The following ZBTB11 variants were observed in gnomAD, a reference collection of about 807,000 sequenced individuals.
ZBTB11 encodes zinc finger and BTB domain containing 11, also known as zinc finger and BTB domain-containing protein 11.
In ZBTB11, 68 loss-of-function variants were observed where a neutral mutation model predicts 113.1. The ratio of observed to expected loss-of-function variants is 0.60; its 90% confidence interval spans 0.49 to 0.74. The LOEUF is 0.74. Ranked by LOEUF, ZBTB11 falls within the 30% of genes least tolerant of loss-of-function variation. The probability of loss-of-function intolerance (pLI) is 0.00; values close to 1 mark genes in which losing one functional copy is unlikely to be tolerated. For synonymous variants in ZBTB11, 518 were observed against 452.6 expected (o/e 1.14, Z -1.83); for missense variants, 1,104 against 1,279.4 (o/e 0.86, Z 2.09).
intron 5 of ZBTB11, 62 bp downstream of exon 5, chr3:101,664,476 G>T (rs1388777531): frequency 1.0e-5 from 15 of 1,462,976 alleles, no homozygotes; most frequent in Non-Finnish European, 1.4e-5. Context: ...TAACCATGCA[G>T]TAAGTTGGAT....
chr3:101,653,247 G>A (rs527961501), intron 8 of ZBTB11, among the ~76,000 whole-genome samples: 9 of 152,290 alleles, frequency 5.9e-5, no homozygotes, highest in African/African-American at 2.2e-4. Context: ...CTTAGTCCAT[G>A]TGTTGAGGGT....
rs1387053773 is a variant in ZBTB11, at chr3:101,652,726, A to T, written c.2468+54T>A. 3 of 1,610,614 alleles carry T rather than the reference A, an allele frequency of 1.9e-6. No homozygotes were observed. In the African/African-American group the frequency reaches 4.0e-5, roughly 22 times the overall value. On this transcript the variant is annotated intron_variant, in intron 9 of 10. Transcript: ENST00000312938. ...TGTCCAAAGAAGTAGCAGCCATAAC[A>T]ATCAGAGTACACACGTTATCAATTA... is the stretch of plus-strand genomic sequence containing the variant.
chr3:101,675,485 T>G (rs1937149033), intron 1 of ZBTB11, among the ~76,000 whole-genome samples: 1 of 152,256 alleles, frequency 6.6e-6, no homozygotes, highest in African/African-American at 2.4e-5. Flanking sequence ...TTGAATGAAA[T>G]AACTTTTCTG....
At chr3:101,656,513 T>C (rs1026510024) in intron 6 of ZBTB11, among the ~76,000 whole-genome samples, 3 of 152,196 alleles carry the variant, frequency 2.0e-5, no homozygotes, top group African/African-American at 7.2e-5. Context: ...ACAAACCTCA[T>C]GCTATCTTTG....
chr3:101,664,864 C>A, intron 4 of ZBTB11, 100 bp downstream of exon 4: 1 of 1,509,044 alleles, frequency 6.6e-7, no homozygotes, highest in Non-Finnish European at 8.9e-7. Context: ...TTGTACCCAT[C>A]TCACCTCCCA....
chr3:101,672,264 GAATAT>G (rs1288028606), intron 1 of ZBTB11, 51 bp from the exon 2 acceptor site: 4 of 1,302,820 alleles, frequency 3.1e-6, no homozygotes, highest in Non-Finnish European at 4.3e-6. Flanking sequence ...ACTGAAAACA[GAATAT>G]ATTATTTAGT....
chr3:101,651,781 C>T (rs1052965985), intron 10 of ZBTB11, 98 bp from the exon 11 acceptor site: 1 of 1,235,376 alleles, frequency 8.1e-7, no homozygotes, highest in Non-Finnish European at 1.1e-6. Flanking sequence ...AGTACAGTAG[C>T]TCATAAGCCT....
At chr3:101,656,999 G>A (rs1202604331) in intron 6 of ZBTB11, among the ~76,000 whole-genome samples, 1 of 151,546 alleles carries the variant, frequency 6.6e-6, no homozygotes, top group African/African-American at 2.4e-5. Flanking sequence ...AAATTAGCCA[G>A]GTGTGGTGAC....
intron 5 of ZBTB11, among the ~76,000 whole-genome samples, chr3:101,663,173 C>T (rs904217453): frequency 2.0e-5 from 3 of 151,952 alleles, no homozygotes; most frequent in Non-Finnish European, 2.9e-5. Context: ...CTCCTGACCT[C>T]GTGATCTGCC....
At position 101,677,006 on chromosome 3, in the gene ZBTB11, C is replaced by T. The variant is rs1174335374; in HGVS notation, c.-92G>A. On this transcript the variant is annotated 5_prime_UTR_variant, in exon 1 of 11. Transcript: ENST00000312938. ...GCGGCTGCAGGAGGAGCGGCGGCAC[C>T]GTAGGGAGAAACGGCTGCGCCTTTG... The T allele has an allele frequency of 2.9e-6, 4 of 1,389,664 alleles. No individual in the cohort carries two copies. The highest frequency in any genetic ancestry group is 3.8e-6 in the Non-Finnish European group (4 of 1,045,464). 86.1% of individuals were successfully genotyped at this position (1,389,664 alleles called of 1,614,324 possible). A position where few individuals can be genotyped will look rare whatever the true frequency, so the allele number is the denominator to read the frequency against.
intron 8 of ZBTB11, among the ~76,000 whole-genome samples, chr3:101,654,258 C>T (rs980033650): frequency 6.6e-6 from 1 of 152,148 alleles, no homozygotes; most frequent in African/African-American, 2.4e-5. Context: ...CCAGGCTGGT[C>T]TCGAACTTCT....
At chr3:101,674,442 G>A (rs1559989382) in intron 1 of ZBTB11, among the ~76,000 whole-genome samples, 2 of 152,080 alleles carry the variant, frequency 1.3e-5, no homozygotes, top group African/African-American at 4.8e-5. Context: ...CGGGCGCTGT[G>A]GCTTACACCC....
In ZBTB11 at chr3:101,651,086, A is replaced by C; in HGVS notation, c.*80T>G. ...TTTGATATGTAAACTCCAAGCAGAC[A>C]GTCACACAGAATTGTAAACAAATGT... On this transcript the variant is annotated 3_prime_UTR_variant, in exon 11 of 11. Transcript: ENST00000312938. 6.9e-7 allele frequency: 1 copy of C among 1,451,216 alleles called. No individual in the cohort carries two copies. Among genetic ancestry groups the C allele is most frequent in the Non-Finnish European group, 9.2e-7 (1 of 1,089,506 alleles). The allele number at this position is 1,451,216 out of a possible 1,614,324, so 89.9% of individuals were successfully genotyped here. A position where few individuals can be genotyped will look rare whatever the true frequency, so the allele number is the denominator to read the frequency against.
chr3:101,675,396 C>T (rs542579971), intron 1 of ZBTB11, among the ~76,000 whole-genome samples: 1 of 152,318 alleles, frequency 6.6e-6, no homozygotes, highest in East Asian at 1.9e-4. Context: ...AACGAATAAA[C>T]TTGATGATGT....
rs772107810 is a variant in ZBTB11 at position 101,654,811 on chromosome 3, C to A, written c.2202G>T (p.Lys734Asn). The A allele has an allele frequency of 6.2e-7, 1 of 1,613,632 alleles. No homozygotes were observed. Among genetic ancestry groups the A allele is most frequent in the African/African-American group, 1.3e-5 (1 of 74,904 alleles). The change falls in exon 8 of 11, where the codon AAG becomes AAT. Residue 734 changes from lysine (K) to asparagine (N), a missense_variant. Lys to Asn is a moderately conservative substitution (Grantham distance 94). Coordinates refer to ENST00000312938, the MANE Select transcript of ZBTB11 (RefSeq NM_014415.4). ...EHMSIHTGES[K>N]YLCSVCGKSF... is the part of the protein sequence containing the mutation. ...ACTTTCCACAAACTGAGCAAAGGTA[C>A]TTGGACTCTCCTATTAGAAAAAATT... is the stretch of plus-strand genomic sequence containing the variant.
At chr3:101,659,311 A>G (rs755027457) in intron 6 of ZBTB11, among the ~76,000 whole-genome samples, 6 of 152,228 alleles carry the variant, frequency 3.9e-5, no homozygotes, top group Non-Finnish European at 8.8e-5. Flanking sequence ...GAAATTTTTC[A>G]CTGTTTCAAA....
intron 1 of ZBTB11, 95 bp downstream of exon 1, chr3:101,676,510 A>G (rs1559990342): frequency 6.9e-6 from 9 of 1,297,450 alleles, no homozygotes; most frequent in Non-Finnish European, 9.1e-6. Context: ...GGCGTCCGAG[A>G]CCCTCCGACT....
At position 101,651,040 on chromosome 3, in the gene ZBTB11, C is replaced by T. The variant is rs943033393; in HGVS notation, c.*126G>A. The stretch of plus-strand genomic sequence containing the variant: ...CCAGACAAAATGTTTGGAAACGTTA[C>T]GTTACCAAACAGCCCAGAACTTTGA... On this transcript the variant is annotated 3_prime_UTR_variant, in exon 11 of 11. Transcript: ENST00000312938. 26 of 1,146,878 alleles carry T rather than the reference C, an allele frequency of 2.3e-5. No individual in the cohort carries two copies. In the African/African-American group the frequency reaches 2.6e-4, roughly 12 times the overall value. 71.0% of individuals were successfully genotyped at this position (1,146,878 alleles called of 1,614,324 possible). A position where few individuals can be genotyped will look rare whatever the true frequency, so the allele number is the denominator to read the frequency against.
intron 5 of ZBTB11, among the ~76,000 whole-genome samples, chr3:101,662,971 G>C (rs1297336698): frequency 6.8e-6 from 1 of 147,642 alleles, no homozygotes; most frequent in Non-Finnish European, 1.5e-5. Flanking sequence ...ACGGAGTCTC[G>C]CTCTGTTGCC....
Sources: allele counts gnomAD v4.1 joint callset (sites outside exome capture counted in the v4.1 genomes callset), GRCh38; gene constraint gnomAD v4.1.1; transcripts MANE v1.5; gene names NCBI Gene and HGNC (gene_info 2026-07-23, HGNC 2026-07-21).